The following SF3B1 variants were observed in gnomAD, a reference collection of about 807,000 sequenced individuals.
SF3B1 encodes the protein splicing factor 3b subunit 1.
In SF3B1, 12 loss-of-function variants were observed where a neutral mutation model predicts 153.8. The observed-to-expected ratio is 0.08, with a 90% CI of 0.05 to 0.13. The LOEUF (loss-of-function observed/expected upper bound fraction) is 0.13. Among genes scored for constraint, SF3B1 ranks in the 10% least tolerant of loss-of-function variants. The pLI, the probability that SF3B1 is intolerant of heterozygous loss-of-function variation, is 1.00. For missense variants in SF3B1, 513 were observed against 1,606.1 expected, an observed-to-expected ratio of 0.32 and a Z score of 11.63; for synonymous variants, 498 against 525.2, an observed-to-expected ratio of 0.95 and a Z score of 0.71.
chr2:197,433,218 G>A (rs1020650698), intron 1 of SF3B1, among the ~76,000 whole-genome samples: 1 of 152,214 alleles, frequency 6.6e-6, no homozygotes, highest in Non-Finnish European at 1.5e-5. Flanking sequence ...CACAGACAGT[G>A]CTCAAGTATT....
chr2:197,411,617 A>T (rs921494467), intron 6 of SF3B1, among the ~76,000 whole-genome samples: 1 of 151,696 alleles, frequency 6.6e-6, no homozygotes, highest in Non-Finnish European at 1.5e-5. Flanking sequence ...GTTTGCAGTG[A>T]GCCGAGATAG....
At chr2:197,408,898 G>C (rs1471924975) in intron 7 of SF3B1, among the ~76,000 whole-genome samples, 1 of 152,038 alleles carries the variant, frequency 6.6e-6, no homozygotes, top group African/African-American at 2.4e-5. Context: ...ACTCTAGCTT[G>C]GGTGACAGAG....
intron 20 of SF3B1, 65 bp downstream of exon 20, chr2:197,399,989 AC>A: frequency 8.9e-7 from 1 of 1,120,210 alleles, no homozygotes; most frequent in Non-Finnish European, 1.3e-6. Flanking sequence ...GATTTTACTT[AC>A]GAAAAAAAAA....
At chr2:197,424,080 A>T (rs1411319190) in intron 1 of SF3B1, 106 bp from the exon 2 acceptor site, 17 of 932,150 alleles carry the variant, frequency 1.8e-5, no homozygotes, top group Admixed American at 2.8e-5. Flanking sequence ...TTAAATACAG[A>T]AAATGTACAA....
At position 197,401,712 on chromosome 2, in the gene SF3B1, AG is replaced by A; in HGVS notation, c.2370+29del. ...TCTGTTAGAACCATGAAACATATCC[AG>A]TTTACATTAACAAATCTGGAATAAT... On this transcript the variant is annotated intron_variant, in intron 16 of 24. Coordinates refer to ENST00000335508, the MANE Select transcript of SF3B1 (RefSeq NM_012433.4). This position sits in a 1 kb window ranked among gnomAD's most constrained non-coding sequence, Gnocchi z 4.2. 3 of 1,592,172 alleles carry A rather than the reference AG, an allele frequency of 1.9e-6. No homozygotes were observed. The highest frequency in any genetic ancestry group is 2.6e-6 in the Non-Finnish European group (3 of 1,168,540).
At position 197,392,123 on chromosome 2, in the gene SF3B1, T is replaced by C. The variant is rs1216779505; in HGVS notation, c.*180A>G. ...ACTGTGTTCTTGGTCACTACTGGCA[T>C]TTACTGTTTAACATCAAAAACAAAG... is the stretch of plus-strand genomic sequence containing the variant. On this transcript the variant is annotated 3_prime_UTR_variant, in exon 25 of 25. Transcript: ENST00000335508. 1 of 437,234 alleles carries C rather than the reference T, an allele frequency of 2.3e-6. No homozygotes were observed. The highest frequency in any genetic ancestry group is 5.9e-4 in the Middle Eastern group (1 of 1,690). The allele number at this position is 437,234 out of a possible 1,614,324, so 27.1% of individuals were successfully genotyped here. A position where few individuals can be genotyped will look rare whatever the true frequency, so the allele number is the denominator to read the frequency against.
At chr2:197,432,782 C>T (rs1024167594) in intron 1 of SF3B1, among the ~76,000 whole-genome samples, 18 of 152,094 alleles carry the variant, frequency 1.2e-4, no homozygotes, top group East Asian at 3.9e-4. Context: ...AGGACAATCG[C>T]TTGAACCTAA....
chr2:197,432,500 A>G (rs2085455538), intron 1 of SF3B1, among the ~76,000 whole-genome samples: 1 of 152,238 alleles, frequency 6.6e-6, no homozygotes, highest in South Asian at 2.1e-4. Context: ...CAATCCTGGA[A>G]AGCATAAGCC....
In SF3B1 at chr2:197,416,828, T is replaced by C. The variant is rs1240448908; in HGVS notation, c.579A>G (p.Pro193=). 3 of 1,614,244 alleles carry C rather than the reference T, an allele frequency of 1.9e-6. No individual in the cohort carries two copies. Among genetic ancestry groups the C allele is most frequent in the African/African-American group, 1.3e-5 (1 of 75,068 alleles). ...GATCCCAACGCCGTTTTCGTTTTGA[T>C]GGAGGCTGGGACGCTGCTGCTCCAT... The part of the protein sequence containing the change: ...VVNGAAASQP[P]SKRKRRWDQT... The change falls in exon 6 of 25, where the codon CCA becomes CCG. Residue 193 remains proline, a synonymous_variant. Coordinates refer to ENST00000335508, the MANE Select transcript of SF3B1 (RefSeq NM_012433.4).
intron 1 of SF3B1, among the ~76,000 whole-genome samples, chr2:197,426,850 C>G (rs1574556259): frequency 6.6e-6 from 1 of 152,182 alleles, no homozygotes; most frequent in Middle Eastern, 3.4e-3. Flanking sequence ...ATACTTTTCT[C>G]TACCTCATAC....
At chr2:197,434,890 A>G in intron 1 of SF3B1, 82 bp downstream of exon 1, 1 of 1,464,894 alleles carries the variant, frequency 6.8e-7, no homozygotes, top group South Asian at 1.1e-5. Context: ...AAGAAACCAT[A>G]GAAAAAGGCA....
chr2:197,407,062 C>T (rs777812396), intron 9 of SF3B1, among the ~76,000 whole-genome samples: 89 of 151,980 alleles, frequency 5.9e-4, no homozygotes, highest in Middle Eastern at 3.2e-3. Flanking sequence ...CTCTCCAGTA[C>T]GGGCAACACA....
In SF3B1 at chr2:197,401,598, G is replaced by T; in HGVS notation, c.2371-73C>A. 6.7e-7 allele frequency: 1 copy of T among 1,502,596 alleles called. No homozygotes were observed. The highest frequency in any genetic ancestry group is 9.1e-7 in the Non-Finnish European group (1 of 1,100,464). 93.1% of individuals were successfully genotyped at this position (1,502,596 alleles called of 1,614,324 possible). A position where few individuals can be genotyped will look rare whatever the true frequency, so the allele number is the denominator to read the frequency against. On this transcript the variant is annotated intron_variant, in intron 16 of 24. Transcript: ENST00000335508. This position sits in a 1 kb window ranked among gnomAD's most constrained non-coding sequence, Gnocchi z 4.2. ...AGAGAATACTCATTGCTGATTACGT[G>T]ATTTTAAAAAATAAAATTTAAAAAC...
Position 197,402,856 on chromosome 2 carries a change from T to C in SF3B1, c.1807-30A>G. On this transcript the variant is annotated intron_variant, in intron 13 of 24. Coordinates refer to ENST00000335508, the MANE Select transcript of SF3B1 (RefSeq NM_012433.4). This position sits in a 1 kb window ranked among gnomAD's most constrained non-coding sequence, Gnocchi z 4.6. ...AATGTAAACAAAGAAAGGACAGTCA[T>C]GAGTTGGTAATATTAATCTTCAACC... The C allele has an allele frequency of 6.2e-7, 1 of 1,612,526 alleles. No individual in the cohort carries two copies. The highest frequency in any genetic ancestry group is 8.5e-7 in the Non-Finnish European group (1 of 1,179,056).
chr2:197,402,154 A>C lies in SF3B1; in HGVS notation c.2078-24T>G. 6.3e-7 allele frequency: 1 copy of C among 1,582,166 alleles called. No homozygotes were observed. The highest frequency in any genetic ancestry group is 8.6e-7 in the Non-Finnish European group (1 of 1,162,974). ...ACCTACAAAACCAAACACAGGTTTT[A>C]ACTATGCCCCAACATTACCTAAGTT... On this transcript the variant is annotated intron_variant, in intron 14 of 24. Coordinates refer to ENST00000335508, the MANE Select transcript of SF3B1 (RefSeq NM_012433.4). The surrounding 1 kb of genome is among the most constrained non-coding windows in gnomAD (Gnocchi z 4.6).
intron 10 of SF3B1, 44 bp from the exon 11 acceptor site, chr2:197,405,221 T>C: frequency 6.3e-7 from 1 of 1,596,286 alleles, no homozygotes; most frequent in Non-Finnish European, 8.6e-7. Context: ...TGAAATGTTA[T>C]GATTTATAAT....
chr2:197,422,206 T>C (rs2085255080), intron 2 of SF3B1, among the ~76,000 whole-genome samples: 1 of 152,090 alleles, frequency 6.6e-6, no homozygotes, highest in Non-Finnish European at 1.5e-5. Context: ...AGTCCATGAC[T>C]GGCTTCTAGA....
intron 4 of SF3B1, chr2:197,419,423 G>T (rs1006985151): frequency 4.5e-6 from 1 of 223,536 alleles, no homozygotes; most frequent in Admixed American, 5.7e-5. Flanking sequence ...TAGAAATGTG[G>T]TAACTAGCTA....
At position 197,402,519 on chromosome 2, in the gene SF3B1, G is replaced by GAAAA; in HGVS notation, c.2077+33_2077+36dup. On this transcript the variant is annotated intron_variant, in intron 14 of 24. Coordinates refer to ENST00000335508, the MANE Select transcript of SF3B1 (RefSeq NM_012433.4). The surrounding 1 kb of genome is among the most constrained non-coding windows in gnomAD (Gnocchi z 4.6). ...ACATAGTAAGACCCTGTCTCCTAAA[G>GAAAA]AAAAAAAAAAAAAGACAAAGTTACA... 1 of 1,283,806 alleles carries GAAAA rather than the reference G, an allele frequency of 7.8e-7. No individual in the cohort carries two copies. The highest frequency in any genetic ancestry group is 1.3e-5 in the South Asian group (1 of 77,316). The allele number at this position is 1,283,806 out of a possible 1,614,324, so 79.5% of individuals were successfully genotyped here. A position where few individuals can be genotyped will look rare whatever the true frequency, so the allele number is the denominator to read the frequency against.
Sources: gnomAD v4.1 joint callset for allele counts (sites outside exome capture counted in the v4.1 genomes callset) on GRCh38, gnomAD v4.1.1 for gene constraint, Gnocchi (gnomAD v3.1) non-coding constraint, MANE v1.5 for transcripts, NCBI Gene and HGNC (gene_info 2026-07-23, HGNC 2026-07-21) for gene names.